The following ZNF704 variants were observed in gnomAD, a reference collection of about 807,000 sequenced individuals.
ZNF704 encodes the protein zinc finger protein 704.
In ZNF704, 10 loss-of-function variants were observed where a neutral mutation model predicts 44.7. The ratio of observed to expected loss-of-function variants is 0.22; its 90% CI spans 0.14 to 0.38. The LOEUF (loss-of-function observed/expected upper bound fraction) is 0.38. Ranked by LOEUF, ZNF704 falls within the 10% of genes least tolerant of loss-of-function variation. The pLI is 1.00. For missense variants in ZNF704, 390 were observed against 545.5 expected (o/e 0.71, Z 2.84); for synonymous variants, 211 against 207.6 (o/e 1.02, Z -0.14).
At chr8:80,789,521 A>C (rs1807668425) in intron 2 of ZNF704, among the ~76,000 whole-genome samples, 1 of 152,094 alleles carries the variant, frequency 6.6e-6, no homozygotes. Flanking sequence ...CCACAGAGGG[A>C]GGATAGGTTG....
intron 1 of ZNF704, among the ~76,000 whole-genome samples, chr8:80,855,383 G>A (rs1272261105): frequency 3.5e-5 from 5 of 141,308 alleles, no homozygotes; most frequent in African/African-American, 1.3e-4. Flanking sequence ...CAACCTAAAT[G>A]CCCATCCATG....
chr8:80,656,600 A>G (rs1818020208), intron 7 of ZNF704, among the ~76,000 whole-genome samples: 1 of 152,228 alleles, frequency 6.6e-6, no homozygotes, highest in Non-Finnish European at 1.5e-5. Context: ...CTTCTCAGCT[A>G]CACACCTCCG....
rs1817587948 is a variant in ZNF704, at chr8:80,631,707, C to G, written c.*9659G>C. ...TGCCTTGTCATTCTTTACAGTGAGT[C>G]TGAACAAATCTTTTGTGATGAGCGT... is the stretch of plus-strand genomic sequence containing the variant. On this transcript the variant is annotated 3_prime_UTR_variant, in exon 9 of 9. Transcript: ENST00000327835. The G allele has an allele frequency of 2.0e-5, 3 of 152,334 alleles. No individual in the cohort carries two copies. The highest frequency in any genetic ancestry group is 7.2e-5 in the African/African-American group (3 of 41,572). The allele number at this position is 152,334 out of a possible 1,614,324, so 9.4% of individuals were successfully genotyped here.
At chr8:80,834,367 G>T (rs911156756) in intron 1 of ZNF704, among the ~76,000 whole-genome samples, 1 of 152,156 alleles carries the variant, frequency 6.6e-6, no homozygotes, top group Non-Finnish European at 1.5e-5. Context: ...TGTGAGGGCA[G>T]CTTCAATGAT....
chr8:80,706,479 G>A (rs1189000212), intron 2 of ZNF704, among the ~76,000 whole-genome samples: 1 of 152,200 alleles, frequency 6.6e-6, no homozygotes, highest in Non-Finnish European at 1.5e-5. Context: ...AGTGACAGTT[G>A]TAGCTATTTT....
intron 2 of ZNF704, among the ~76,000 whole-genome samples, chr8:80,703,512 T>C (rs1427189370): frequency 2.0e-5 from 3 of 152,180 alleles, no homozygotes; most frequent in African/African-American, 7.2e-5. Context: ...TCTTGCTCTG[T>C]CACCCAGACT....
intron 5 of ZNF704, among the ~76,000 whole-genome samples, chr8:80,670,184 A>C (rs959315257): frequency 8.5e-5 from 13 of 152,174 alleles, no homozygotes; most frequent in African/African-American, 2.9e-4. Flanking sequence ...CATACATTTT[A>C]TCTTTGGCAC....
chr8:80,658,168 G>A (rs564803961), intron 7 of ZNF704, among the ~76,000 whole-genome samples: 1 of 152,208 alleles, frequency 6.6e-6, no homozygotes, highest in South Asian at 2.1e-4. Context: ...GTTTGAACTG[G>A]GCTGTTCCAT....
intron 1 of ZNF704, among the ~76,000 whole-genome samples, chr8:80,865,532 G>A (rs1202400898): frequency 6.6e-6 from 1 of 152,166 alleles, no homozygotes; most frequent in Non-Finnish European, 1.5e-5. Context: ...CTTTCTGCAG[G>A]TTTTATCAGA....
intron 1 of ZNF704, among the ~76,000 whole-genome samples, chr8:80,871,411 G>A (rs114449680): frequency 2.6e-5 from 4 of 152,214 alleles, no homozygotes; most frequent in African/African-American, 9.6e-5. Flanking sequence ...CTCTTCCCAT[G>A]CGAAATGTCT....
In ZNF704 at chr8:80,640,844, G is replaced by C. The variant is rs1817730591; in HGVS notation, c.*522C>G. On this transcript the variant is annotated 3_prime_UTR_variant, in exon 9 of 9. Coordinates refer to ENST00000327835, the MANE Select transcript of ZNF704 (RefSeq NM_001033723.3). ...GATGCCCAGAGTGCTGCGCTGTCTTGCAACACATCCTGACATATACTGCTC... is the reference window on the plus strand; with the variant it reads ...GATGCCCAGAGTGCTGCGCTGTCTTCCAACACATCCTGACATATACTGCTC... The C allele has an allele frequency of 6.6e-6, 1 of 152,554 alleles. No homozygotes were observed. Among genetic ancestry groups the C allele is most frequent in the South Asian group, 2.1e-4 (1 of 4,832 alleles). 9.5% of individuals were successfully genotyped at this position (152,554 alleles called of 1,614,324 possible).
At chr8:80,745,697 CCT>C (rs1229475729) in intron 2 of ZNF704, among the ~76,000 whole-genome samples, 1 of 152,102 alleles carries the variant, frequency 6.6e-6, no homozygotes, top group Non-Finnish European at 1.5e-5. Flanking sequence ...CTCTGCAATT[CCT>C]CTTTCTATAA....
chr8:80,660,560 A>G (rs1818085531), intron 6 of ZNF704, among the ~76,000 whole-genome samples: 1 of 152,184 alleles, frequency 6.6e-6, no homozygotes, highest in African/African-American at 2.4e-5. Context: ...AGAGTAATTC[A>G]AAATGTTGTT....
At chr8:80,863,691 A>C (rs1226011316) in intron 1 of ZNF704, among the ~76,000 whole-genome samples, 1 of 152,214 alleles carries the variant, frequency 6.6e-6, no homozygotes, top group Non-Finnish European at 1.5e-5. Flanking sequence ...TATGGAAATA[A>C]ACGTTGAACA....
chr8:80,839,644 G>A (rs1353328888), intron 1 of ZNF704, among the ~76,000 whole-genome samples: 5 of 152,220 alleles, frequency 3.3e-5, no homozygotes, highest in Admixed American at 3.3e-4. Context: ...CTATAAGGGA[G>A]AAACGCTTCC....
At chr8:80,752,984 AG>A (rs1295565536) in intron 2 of ZNF704, among the ~76,000 whole-genome samples, 5 of 152,226 alleles carry the variant, frequency 3.3e-5, no homozygotes, top group Non-Finnish European at 7.3e-5. Flanking sequence ...GCTGGCTGGT[AG>A]ACAGTAGCCA....
At chr8:80,838,497 A>T (rs1250319972) in intron 1 of ZNF704, among the ~76,000 whole-genome samples, 1 of 151,588 alleles carries the variant, frequency 6.6e-6, no homozygotes, top group Non-Finnish European at 1.5e-5. Context: ...AGACTGAGGC[A>T]GTGAGGGTGA....
At chr8:80,788,669 A>C (rs532297485) in intron 2 of ZNF704, among the ~76,000 whole-genome samples, 1 of 152,338 alleles carries the variant, frequency 6.6e-6, no homozygotes, top group South Asian at 2.1e-4. Flanking sequence ...CCTATGAAGG[A>C]AGGCGGAGCA....
At chr8:80,783,194 C>T (rs1176672219) in intron 2 of ZNF704, among the ~76,000 whole-genome samples, 2 of 152,160 alleles carry the variant, frequency 1.3e-5, no homozygotes, top group Admixed American at 1.3e-4. Flanking sequence ...CAGAAGCAAA[C>T]ATTTGCCTTG....
Sources: allele counts gnomAD v4.1 joint callset (sites outside exome capture counted in the v4.1 genomes callset), GRCh38; gene constraint gnomAD v4.1.1; transcripts MANE v1.5; gene names NCBI Gene and HGNC (gene_info 2026-07-23, HGNC 2026-07-21).